Variants in HAO1 observed in about 807,000 individuals in gnomAD.
The protein encoded by HAO1 is hydroxyacid oxidase 1.
In HAO1, 34 loss-of-function variants were observed where a neutral mutation model predicts 39.7. The ratio of observed to expected loss-of-function variants is 0.86; its 90% CI spans 0.65 to 1.14. The LOEUF (loss-of-function observed/expected upper bound fraction) is 1.14, where lower values mean the gene tolerates loss of function less well. HAO1 is among the 50% of genes most tolerant of loss of function. The pLI is 0.00. For synonymous variants in HAO1, 172 were observed against 173.2 expected, an observed-to-expected ratio of 0.99 and a Z score of 0.05; for missense variants, 479 against 464.5, an observed-to-expected ratio of 1.03 and a Z score of -0.29.
At chr20:7,922,653 G>A (rs549780083) in intron 2 of HAO1, among the ~76,000 whole-genome samples, 9 of 152,198 alleles carry the variant, frequency 5.9e-5, no homozygotes, top group Non-Finnish European at 8.8e-5. Context: ...ACAAGAACAT[G>A]CTTTTCCCTA....
intron 3 of HAO1, among the ~76,000 whole-genome samples, chr20:7,913,179 T>TG (rs1444350934): frequency 6.6e-6 from 1 of 151,248 alleles, no homozygotes; most frequent in African/African-American, 2.4e-5. Context: ...TGTTTTTTTT[T>TG]TTTTTTCCAA....
intron 4 of HAO1, among the ~76,000 whole-genome samples, chr20:7,903,289 T>A (rs1266418848): frequency 1.1e-5 from 1 of 87,628 alleles, no homozygotes; most frequent in Non-Finnish European, 2.5e-5. Flanking sequence ...TCTCTCCTTA[T>A]CTTTTTTTTT....
intron 2 of HAO1, among the ~76,000 whole-genome samples, chr20:7,932,810 A>G (rs994589463): frequency 6.6e-6 from 1 of 152,174 alleles, no homozygotes; most frequent in African/African-American, 2.4e-5. Context: ...CCTTGCAGAA[A>G]TGATTTTTTT....
At chr20:7,933,216 T>C (rs930574393) in intron 2 of HAO1, among the ~76,000 whole-genome samples, 6 of 152,176 alleles carry the variant, frequency 3.9e-5, no homozygotes, top group African/African-American at 1.4e-4. Flanking sequence ...ATAAGGGCTT[T>C]TTACGTGGAA....
chr20:7,922,492 G>A (rs1281182332), intron 2 of HAO1, among the ~76,000 whole-genome samples: 1 of 152,138 alleles, frequency 6.6e-6, no homozygotes, highest in Non-Finnish European at 1.5e-5. Flanking sequence ...CCTTTATGGA[G>A]AAAGCTCCTA....
At chr20:7,888,280 G>A (rs1600104697) in intron 5 of HAO1, among the ~76,000 whole-genome samples, 1 of 152,096 alleles carries the variant, frequency 6.6e-6, no homozygotes, top group African/African-American at 2.4e-5. Context: ...GACTCGCAAA[G>A]AGAATCCTCT....
At chr20:7,893,669 A>G (rs1003270175) in intron 5 of HAO1, among the ~76,000 whole-genome samples, 16 of 152,116 alleles carry the variant, frequency 1.1e-4, no homozygotes, top group Admixed American at 8.5e-4. Context: ...TCGACTCTCT[A>G]TGATTTTTAT....
rs780725721 is a variant in HAO1, at chr20:7,906,165, C to G, written c.710G>C (p.Gly237Ala). 1 of 1,611,042 alleles carries G rather than the reference C, an allele frequency of 6.2e-7. No homozygotes were observed. The highest frequency in any genetic ancestry group is 1.3e-5 in the African/African-American group (1 of 74,832). ...AGAAATAAACGAACCTCTCAAAATG[C>G]CCTTTGCAACAATTGGCAATGATGT... ...RLTSLPIVAK[G>A]ILRGDDAREA... Residue 237 changes from glycine to alanine, a missense_variant, in exon 4 of 8, where the codon GGC becomes GCC. Transcript: ENST00000378789.
intron 2 of HAO1, among the ~76,000 whole-genome samples, chr20:7,916,349 T>C (rs6086282): frequency 0.31 from 47,700 of 152,146 alleles, 8,987 homozygotes; most frequent in East Asian, 0.51. Context: ...GACTCATCTG[T>C]GTGCCTACCA....
intron 3 of HAO1, among the ~76,000 whole-genome samples, chr20:7,908,669 A>G (rs1486248907): frequency 6.6e-6 from 1 of 152,162 alleles, no homozygotes; most frequent in Non-Finnish European, 1.5e-5. Flanking sequence ...TCAGATGGCC[A>G]TTTAAGATCA....
intron 2 of HAO1, among the ~76,000 whole-genome samples, chr20:7,919,119 C>T (rs2050319888): frequency 6.6e-6 from 1 of 152,156 alleles, no homozygotes; most frequent in African/African-American, 2.4e-5. Context: ...CTGGCTCTTG[C>T]CTAGAATGAA....
chr20:7,932,168 C>T (rs540475071), intron 2 of HAO1, among the ~76,000 whole-genome samples: 4 of 152,264 alleles, frequency 2.6e-5, no homozygotes, highest in African/African-American at 4.8e-5. Flanking sequence ...GGAAGAAGGT[C>T]GTTCCTTCCC....
At chr20:7,908,780 C>T (rs1568514351) in intron 3 of HAO1, among the ~76,000 whole-genome samples, 1 of 152,088 alleles carries the variant, frequency 6.6e-6, no homozygotes, top group East Asian at 1.9e-4. Flanking sequence ...TAAATCAAAC[C>T]ACTTAGGATT....
intron 3 of HAO1, among the ~76,000 whole-genome samples, 196 bp downstream of exon 3, chr20:7,913,968 A>G (rs1478824424): frequency 6.6e-6 from 1 of 152,180 alleles, no homozygotes; most frequent in African/African-American, 2.4e-5. Flanking sequence ...TCTGGTCTGA[A>G]AATTTATTGG....
chr20:7,905,935 C>T (rs1369059985), intron 4 of HAO1, among the ~76,000 whole-genome samples: 1 of 152,176 alleles, frequency 6.6e-6, no homozygotes, highest in Non-Finnish European at 1.5e-5. Flanking sequence ...TTTGAAAAAG[C>T]TCACTTTGTG....
intron 2 of HAO1, among the ~76,000 whole-genome samples, chr20:7,925,751 G>T (rs1298860454): frequency 2.0e-5 from 3 of 152,040 alleles, no homozygotes; most frequent in East Asian, 3.9e-4. Context: ...ATGTCATCAG[G>T]CACATTAATA....
At chr20:7,927,100 A>T (rs1240401065) in intron 2 of HAO1, among the ~76,000 whole-genome samples, 2 of 152,156 alleles carry the variant, frequency 1.3e-5, no homozygotes, top group African/African-American at 4.8e-5. Flanking sequence ...TCCATGAAAG[A>T]TGAAGGAAAA....
chr20:7,884,443 T>C (rs2050142061), intron 7 of HAO1, among the ~76,000 whole-genome samples: 1 of 152,148 alleles, frequency 6.6e-6, no homozygotes, highest in Non-Finnish European at 1.5e-5. Context: ...AAAAGAAAAC[T>C]GGAGTCGAAT....
chr20:7,908,569 T>C (rs1042126567), intron 3 of HAO1, among the ~76,000 whole-genome samples: 1 of 152,140 alleles, frequency 6.6e-6, no homozygotes, highest in Non-Finnish European at 1.5e-5. Context: ...CATAAAGATA[T>C]GAACATTCCT....
Sources: allele counts gnomAD v4.1 joint callset (sites outside exome capture counted in the v4.1 genomes callset), GRCh38; gene constraint gnomAD v4.1.1; transcripts MANE v1.5; gene names NCBI Gene and HGNC (gene_info 2026-07-23, HGNC 2026-07-21).